EXOC4: variants seen among roughly 807,000 people sequenced by gnomAD.
The protein encoded by EXOC4 is exocyst complex component 4.
Under a neutral mutation model 107.2 loss-of-function variants are expected in EXOC4, and 71 were observed. The ratio of observed to expected loss-of-function variants is 0.66; its 90% CI spans 0.55 to 0.81. The LOEUF (loss-of-function observed/expected upper bound fraction) is 0.81. Ranked by LOEUF, EXOC4 falls within the 30% of genes least tolerant of loss-of-function variation. EXOC4 has a pLI of 0.00. For synonymous variants in EXOC4, 456 were observed against 441.2 expected (o/e 1.03, Z -0.42); for missense variants, 1,108 against 1,189.6 (o/e 0.93, Z 1.01).
At chr7:133,711,299 A>T (rs560601637) in intron 10 of EXOC4, among the ~76,000 whole-genome samples, 1 of 152,202 alleles carries the variant, frequency 6.6e-6, no homozygotes, top group Admixed American at 6.5e-5. Flanking sequence ...AAACATTTCA[A>T]TTTGCTACCT....
chr7:133,409,684 T>C lies in EXOC4; in HGVS notation c.1182+34682T>C, dbSNP rs191772436. Among the ~76,000 whole-genome samples the C allele has an allele frequency of 7.5e-4, 115 of 152,318 alleles. 1 individual carries two copies. The highest frequency in any genetic ancestry group is 6.8e-3 in the Middle Eastern group (2 of 294). ...GACATTTGGCAGGCTGTGGTCATTA[T>C]TAATTCCTTCTTGCTTTTCTACATA... On this transcript the variant is annotated intron_variant, in intron 7 of 17. Coordinates refer to ENST00000253861, the MANE Select transcript of EXOC4 (RefSeq NM_021807.4).
chr7:133,340,583 T>C (rs1795638868), intron 5 of EXOC4, among the ~76,000 whole-genome samples: 1 of 152,000 alleles, frequency 6.6e-6, no homozygotes, highest in South Asian at 2.1e-4. Flanking sequence ...ATCTTGTGGA[T>C]TAGTGTCAAT....
intron 10 of EXOC4, among the ~76,000 whole-genome samples, chr7:133,711,940 C>T (rs949318364): frequency 2.6e-5 from 4 of 152,046 alleles, no homozygotes; most frequent in African/African-American, 9.7e-5. Flanking sequence ...AAAGTTTCCC[C>T]ACATTGCCTA....
At chr7:133,437,415 A>G (rs1798001065) in intron 7 of EXOC4, among the ~76,000 whole-genome samples, 5 of 152,032 alleles carry the variant, frequency 3.3e-5, no homozygotes, top group Admixed American at 3.3e-4. Flanking sequence ...GTCTTTTCCC[A>G]TTTTCGATTA....
chr7:133,657,756 A>G (rs1407776299), intron 10 of EXOC4, among the ~76,000 whole-genome samples: 2 of 152,198 alleles, frequency 1.3e-5, no homozygotes, highest in African/African-American at 2.4e-5. Flanking sequence ...CGCTTGAAAT[A>G]AATCTTATAG....
chr7:133,545,099 C>T (rs1240118230), intron 9 of EXOC4, among the ~76,000 whole-genome samples: 3 of 151,770 alleles, frequency 2.0e-5, no homozygotes, highest in East Asian at 1.9e-4. Context: ...TCTATGTGGT[C>T]GCTATTTCTC....
At chr7:134,092,145 G>A in the EXOC4 span, among the ~76,000 whole-genome samples, 1 of 152,158 alleles carries the variant, frequency 6.6e-6, no homozygotes, top group Non-Finnish European at 1.5e-5. Context: ...ATTACTAGGT[G>A]TGGGGTTTCT....
At chr7:133,677,953 G>A (rs918318915) in intron 10 of EXOC4, among the ~76,000 whole-genome samples, 1 of 152,072 alleles carries the variant, frequency 6.6e-6, no homozygotes, top group Non-Finnish European at 1.5e-5. Flanking sequence ...TTGTTAAAAA[G>A]CATCATTATA....
intron 14 of EXOC4, among the ~76,000 whole-genome samples, chr7:133,993,689 A>G (rs1026854689): frequency 2.6e-5 from 4 of 152,330 alleles, no homozygotes; most frequent in Admixed American, 1.3e-4. Context: ...CCAATGGTCC[A>G]ACAATACTTA....
chr7:133,383,223 AC>A (rs1339722742), intron 7 of EXOC4, among the ~76,000 whole-genome samples: 64 of 152,296 alleles, frequency 4.2e-4, no homozygotes, highest in African/African-American at 1.5e-3. Context: ...GAAGAGGATC[AC>A]TTTGAACAAA....
intron 14 of EXOC4, among the ~76,000 whole-genome samples, chr7:133,991,552 A>G (rs1794261867): frequency 6.6e-6 from 1 of 152,020 alleles, no homozygotes; most frequent in South Asian, 2.1e-4. Flanking sequence ...CATTTCCCCA[A>G]TGCTTTTTTC....
intron 3 of EXOC4, among the ~76,000 whole-genome samples, chr7:133,293,356 G>A (rs150988899): frequency 9.5e-4 from 144 of 152,258 alleles, no homozygotes; most frequent in African/African-American, 3.2e-3. Context: ...GTTATGTACT[G>A]TTAGAAGTAA....
At chr7:133,415,551 G>A (rs906975925) in intron 7 of EXOC4, among the ~76,000 whole-genome samples, 2 of 152,068 alleles carry the variant, frequency 1.3e-5, no homozygotes, top group Non-Finnish European at 2.9e-5. Context: ...CACATTGACT[G>A]TATATAGATT....
In EXOC4 at chr7:133,655,524, T is replaced by A. The variant is rs144057692; in HGVS notation, c.1514+25383T>A. On this transcript the variant is annotated intron_variant, in intron 10 of 17. Transcript: ENST00000253861. ...GTACAAAAATATTTTCTTTTTTATA[T>A]CCTTATAGATGTTTTTCTGTTTTGG... 3.3e-5 allele frequency among the ~76,000 whole-genome samples: 5 copies of A among 152,326 alleles called. No individual in the cohort carries two copies. The East Asian group carries it at 9.6e-4, about 29-fold the overall frequency.
chr7:133,459,851 G>T (rs368098359), intron 7 of EXOC4, among the ~76,000 whole-genome samples: 12 of 152,238 alleles, frequency 7.9e-5, no homozygotes, highest in Admixed American at 5.9e-4. Flanking sequence ...GCATATGATT[G>T]TGCTATTAAA....
intron 9 of EXOC4, among the ~76,000 whole-genome samples, chr7:133,588,374 C>A (rs568752436): frequency 6.6e-6 from 1 of 152,294 alleles, no homozygotes; most frequent in South Asian, 2.1e-4. Flanking sequence ...ATCCTAAATA[C>A]AAACCAAATG....
chr7:133,930,084 A>G (rs1444060124), intron 13 of EXOC4, among the ~76,000 whole-genome samples: 1 of 152,244 alleles, frequency 6.6e-6, no homozygotes, highest in Non-Finnish European at 1.5e-5. Context: ...CAGTAGTGGA[A>G]AAATCAGAGT....
chr7:134,061,646 A>G (rs1309034807), intron 17 of EXOC4, among the ~76,000 whole-genome samples: 1 of 152,190 alleles, frequency 6.6e-6, no homozygotes, highest in Non-Finnish European at 1.5e-5. Flanking sequence ...CGATGCACGC[A>G]TGAGCTCTTC....
chr7:133,303,649 T>C lies in EXOC4; in HGVS notation c.472-2228T>C, dbSNP rs1313726908. On this transcript the variant is annotated intron_variant, in intron 3 of 17. Coordinates refer to ENST00000253861, the MANE Select transcript of EXOC4 (RefSeq NM_021807.4). ...GAAAATAAAACACAGTGTTTTCTTA[T>C]AGAAATAAGAGACTATTCTCTTTCC... Among the ~76,000 whole-genome samples the C allele has an allele frequency of 2.0e-5, 3 of 152,220 alleles. No individual in the cohort carries two copies. In the South Asian group the frequency reaches 6.2e-4, roughly 31 times the overall value.
Sources: allele counts gnomAD v4.1 joint callset (sites outside exome capture counted in the v4.1 genomes callset), GRCh38; gene constraint gnomAD v4.1.1; transcripts MANE v1.5; gene names NCBI Gene and HGNC (gene_info 2026-07-23, HGNC 2026-07-21).